Variants in SLC9A4 observed in about 807,000 individuals in gnomAD.
SLC9A4 encodes the protein sodium/hydrogen exchanger 4.
In SLC9A4, 63 loss-of-function variants were observed where a neutral mutation model predicts 67.4. The ratio of observed to expected loss-of-function variants is 0.93; its 90% CI spans 0.76 to 1.15. The LOEUF (loss-of-function observed/expected upper bound fraction) is 1.15. SLC9A4 is among the 50% of genes most tolerant of loss of function. The pLI is 0.00. For missense variants in SLC9A4, 1,089 were observed against 987.7 expected, an observed-to-expected ratio of 1.10 and a Z score of -1.38; for synonymous variants, 393 against 367.2, an observed-to-expected ratio of 1.07 and a Z score of -0.80.
rs374006266 is a variant in SLC9A4, at chr2:102,532,456, C to T, written c.2165C>T (p.Ala722Val). Residue 722 changes from alanine to valine, a missense_variant, in exon 12 of 12, where the codon GCA becomes GTA. Physicochemically the swap from Ala to Val is moderately conservative, Grantham distance 64 (BLOSUM62 0). Coordinates refer to ENST00000295269, the MANE Select transcript of SLC9A4 (RefSeq NM_001011552.4). Reference protein sequence around the residue: ...PMKSLHRGRKAFSFGYQRNTS... With the variant: ...PMKSLHRGRKVFSFGYQRNTS... ...AAGAGCCTACACAGAGGAAGGAAGGCATTCAGCTTTGGTTATCAAAGAAAC... is the reference window on the plus strand; with the variant it reads ...AAGAGCCTACACAGAGGAAGGAAGGTATTCAGCTTTGGTTATCAAAGAAAC... The T allele has an allele frequency of 1.9e-6, 3 of 1,614,068 alleles. No individual in the cohort carries two copies. In the African/African-American group the frequency reaches 4.0e-5, roughly 22 times the overall value.
chr2:102,492,289 C>T (rs1316037133), intron 2 of SLC9A4, among the ~76,000 whole-genome samples: 3 of 152,230 alleles, frequency 2.0e-5, no homozygotes, highest in Non-Finnish European at 2.9e-5. Context: ...TGTGTGGGGG[C>T]TCCAACTCCA....
chr2:102,519,849 A>G lies in SLC9A4; in HGVS notation c.1722-10A>G. ...AATAATGTTTGTCTCTTCTCCAATA[A>G]TGATTCCAGGGCCCAGAGGATACAA... On this transcript the variant is annotated splice_polypyrimidine_tract_variant and intron_variant, in intron 8 of 11. Transcript: ENST00000295269. The G allele has an allele frequency of 6.2e-7, 1 of 1,612,700 alleles. No individual in the cohort carries two copies. Among genetic ancestry groups the G allele is most frequent in the Non-Finnish European group, 8.5e-7 (1 of 1,179,014 alleles).
chr2:102,508,283 T>A lies in SLC9A4; in HGVS notation c.1401+2T>A. On this transcript the variant is annotated splice_donor_variant, in intron 5 of 11. Coordinates refer to ENST00000295269, the MANE Select transcript of SLC9A4 (RefSeq NM_001011552.4). LOFTEE classifies it high-confidence loss of function. The stretch of plus-strand genomic sequence containing the variant: ...ATATACTTTACTGTATTTATTCAGG[T>A]AAGTAGATTTCCCTTATATTTAAAT... 1 of 1,600,690 alleles carries A rather than the reference T, an allele frequency of 6.2e-7. No homozygotes were observed. The highest frequency in any genetic ancestry group is 8.5e-7 in the Non-Finnish European group (1 of 1,170,484).
At chr2:102,479,572 A>G (rs1277911915) in intron 2 of SLC9A4, among the ~76,000 whole-genome samples, 2 of 152,120 alleles carry the variant, frequency 1.3e-5, no homozygotes, top group Non-Finnish European at 2.9e-5. Context: ...TCTTGAGTTA[A>G]ATGTACTTTT....
rs777162926 is a variant in SLC9A4 at position 102,532,314 on chromosome 2, CATG to C, written c.2039-12_2039-10del. The stretch of plus-strand genomic sequence containing the variant: ...AAGTCTTGTTCTTTCCCCTTCTTGC[CATG>C]ATGTTTTCCTAGATGATGACAGCAG... On this transcript the variant is annotated splice_polypyrimidine_tract_variant and intron_variant, in intron 11 of 11. Coordinates refer to ENST00000295269, the MANE Select transcript of SLC9A4 (RefSeq NM_001011552.4). 16 of 1,602,808 alleles carry C rather than the reference CATG, an allele frequency of 1.0e-5. No individual in the cohort carries two copies. The highest frequency in any genetic ancestry group is 1.3e-5 in the Non-Finnish European group (15 of 1,173,974).
At chr2:102,504,753 C>G (rs1282218634) in intron 3 of SLC9A4, among the ~76,000 whole-genome samples, 1 of 152,212 alleles carries the variant, frequency 6.6e-6, no homozygotes, top group Non-Finnish European at 1.5e-5. Context: ...AAGTTTCTTT[C>G]TCTTTCCCAT....
At chr2:102,516,263 T>A (rs1685275652) in intron 8 of SLC9A4, among the ~76,000 whole-genome samples, 1 of 152,152 alleles carries the variant, frequency 6.6e-6, no homozygotes, top group African/African-American at 2.4e-5. Flanking sequence ...GAGATAATTT[T>A]TTTTTCCTCG....
Position 102,494,346 on chromosome 2 carries a change from C to G in SLC9A4, c.721-9102C>G, listed in dbSNP as rs181094569. The stretch of plus-strand genomic sequence containing the variant: ...CACCACTAAACATGATGCAAAAAAT[C>G]TGGTCAATAGATAAAATTAAAATAG... On this transcript the variant is annotated intron_variant, in intron 2 of 11. Transcript: ENST00000295269. 1.2e-3 allele frequency among the ~76,000 whole-genome samples: 185 copies of G among 149,394 alleles called. 4 individuals carry two copies. Among genetic ancestry groups the G allele is most frequent in the African/African-American group, 4.5e-3 (174 of 39,014 alleles).
intron 2 of SLC9A4, among the ~76,000 whole-genome samples, chr2:102,488,569 G>GA (rs1307762869): frequency 7.7e-6 from 1 of 130,068 alleles, no homozygotes; most frequent in East Asian, 2.1e-4. Context: ...TTTTTTTTGA[G>GA]ACGGAGTCTC....
chr2:102,487,178 G>GGGGTGTGTGTGT (rs1553411532), intron 2 of SLC9A4, among the ~76,000 whole-genome samples: 3 of 149,092 alleles, frequency 2.0e-5, no homozygotes, highest in African/African-American at 5.0e-5. Context: ...GCTCACAGCT[G>GGGGTGTGTGTGT]GTGTGTGTGT....
rs759528766 is a variant in SLC9A4, at chr2:102,525,068, G to A, written c.1863G>A (p.Glu621=). The A allele has an allele frequency of 6.2e-7, 1 of 1,614,124 alleles. No individual in the cohort carries two copies. Among genetic ancestry groups the A allele is most frequent in the Non-Finnish European group, 8.5e-7 (1 of 1,180,012 alleles). ...NKYNLKPQTS[E]KQAKEILIRR... is the part of the protein sequence containing the mutation. ...ACAACCTCAAACCCCAAACAAGTGAGAAGCAGGCTAAAGAGATTCTGATCC... is the reference window on the plus strand; with the variant it reads ...ACAACCTCAAACCCCAAACAAGTGAAAAGCAGGCTAAAGAGATTCTGATCC... Residue 621 remains glutamate (E), a synonymous_variant, in exon 10 of 12, where the codon GAG becomes GAA. Transcript: ENST00000295269.
In SLC9A4 at chr2:102,510,579, A is replaced by C. The variant is rs559505409; in HGVS notation, c.1489-1624A>C. 3.8e-4 allele frequency among the ~76,000 whole-genome samples: 58 copies of C among 152,334 alleles called. No homozygotes were observed. The East Asian group carries it at 7.9e-3, about 21-fold the overall frequency. ...GACTTTAATCAGATCTATAAAATAC[A>C]TTTACAGCAACATCTAGAGTACTGT... On this transcript the variant is annotated intron_variant, in intron 6 of 11. Transcript: ENST00000295269.
chr2:102,517,647 A>T (rs1013612396), intron 8 of SLC9A4, among the ~76,000 whole-genome samples: 2 of 152,244 alleles, frequency 1.3e-5, no homozygotes, highest in African/African-American at 2.4e-5. Context: ...AAGGTGATGG[A>T]TATCCCAATT....
At chr2:102,481,124 G>A (rs1684453210) in intron 2 of SLC9A4, among the ~76,000 whole-genome samples, 1 of 152,124 alleles carries the variant, frequency 6.6e-6, no homozygotes, top group Non-Finnish European at 1.5e-5. Flanking sequence ...GATCGGCGTG[G>A]GGAGGGAAAC....
intron 1 of SLC9A4, among the ~76,000 whole-genome samples, chr2:102,478,554 C>G (rs770164067): frequency 6.6e-6 from 1 of 152,166 alleles, no homozygotes; most frequent in Non-Finnish European, 1.5e-5. Context: ...CTCCTTTTCC[C>G]TCATGCACCC....
intron 7 of SLC9A4, among the ~76,000 whole-genome samples, chr2:102,512,535 A>G (rs1353192823): frequency 6.6e-6 from 1 of 152,160 alleles, no homozygotes; most frequent in Non-Finnish European, 1.5e-5. Flanking sequence ...GAAAAGTAAT[A>G]TTTAAGTTAA....
chr2:102,513,788 G>A (rs937368064), intron 7 of SLC9A4, among the ~76,000 whole-genome samples: 1 of 152,178 alleles, frequency 6.6e-6, no homozygotes, highest in African/African-American at 2.4e-5. Context: ...GCTGGGCTGG[G>A]CCTCCCCCGC....
At chr2:102,510,105 T>C (rs1480391602) in intron 6 of SLC9A4, among the ~76,000 whole-genome samples, 1 of 152,122 alleles carries the variant, frequency 6.6e-6, no homozygotes, top group Non-Finnish European at 1.5e-5. Flanking sequence ...CATCTTTCTT[T>C]CATTTTGTCC....
chr2:102,506,056 A>C (rs1424562556), intron 4 of SLC9A4, among the ~76,000 whole-genome samples: 1 of 152,244 alleles, frequency 6.6e-6, no homozygotes, highest in Admixed American at 6.5e-5. Context: ...ATAGCAAACA[A>C]ACAAATCAGA....
Sources: gnomAD v4.1 joint callset for allele counts (sites outside exome capture counted in the v4.1 genomes callset) on GRCh38, gnomAD v4.1.1 for gene constraint, MANE v1.5 for transcripts, NCBI Gene and HGNC (gene_info 2026-07-23, HGNC 2026-07-21) for gene names.